TVP23A: variants seen among roughly 807,000 people sequenced by gnomAD.
The protein encoded by TVP23A is trans-golgi network vesicle protein 23 homolog A, also known as Golgi apparatus membrane protein TVP23 homolog A.
Under a neutral mutation model 31.7 loss-of-function variants are expected in TVP23A, and 21 were observed. The observed-to-expected ratio is 0.66, with a 90% CI of 0.47 to 0.95. The LOEUF (loss-of-function observed/expected upper bound fraction) is 0.95. TVP23A is among the 40% of genes least tolerant of loss of function. TVP23A has a pLI of 0.00. For synonymous variants in TVP23A, 104 were observed against 96.0 expected (o/e 1.08, Z -0.49); for missense variants, 279 against 255.6 (o/e 1.09, Z -0.62).
At chr16:10,761,320 C>G in exon 9 of TVP23A, 1 of 1,574,282 alleles carries the variant, frequency 6.4e-7, no homozygotes, top group Non-Finnish European at 8.7e-7. Flanking sequence ...CATTCCCTTT[C>G]TCGCACTTTG....
At chr16:10,786,663 T>C (rs2032770280) in intron 2 of TVP23A, among the ~76,000 whole-genome samples, 1 of 151,010 alleles carries the variant, frequency 6.6e-6, no homozygotes, top group African/African-American at 2.4e-5. Flanking sequence ...ATAACCTGAG[T>C]GTGCGGGGAT....
intron 2 of TVP23A, among the ~76,000 whole-genome samples, chr16:10,814,427 G>C (rs2034341334): frequency 6.6e-6 from 1 of 152,136 alleles, no homozygotes; most frequent in Non-Finnish European, 1.5e-5. Context: ...TGACTCACCA[G>C]ACCACCAGCC....
chr16:10,792,612 A>C (rs894932066), intron 2 of TVP23A, among the ~76,000 whole-genome samples: 1 of 152,250 alleles, frequency 6.6e-6, no homozygotes, highest in African/African-American at 2.4e-5. Context: ...GGACTTAAGA[A>C]ACCCAAGCCT....
chr16:10,803,384 C>G (rs1215736305), intron 2 of TVP23A, among the ~76,000 whole-genome samples: 4 of 152,142 alleles, frequency 2.6e-5, no homozygotes, highest in African/African-American at 7.2e-5. Context: ...TGTGGAGAAC[C>G]TCCCATCTAC....
At chr16:10,774,242 A>G (rs958207159) in intron 3 of TVP23A, 114 bp from the exon 4 acceptor site, 1 of 679,314 alleles carries the variant, frequency 1.5e-6, no homozygotes. Flanking sequence ...GAGCAGGAAG[A>G]AAAAAGGCCT....
intron 2 of TVP23A, among the ~76,000 whole-genome samples, chr16:10,812,720 G>C (rs536616348): frequency 6.6e-6 from 1 of 152,258 alleles, no homozygotes; most frequent in East Asian, 1.9e-4. Context: ...ACAGAAAGGA[G>C]AATGGTATTT....
At position 10,789,232 on chromosome 16, in the gene TVP23A, G is replaced by A. The variant is rs2032951759; in HGVS notation, c.90-14136C>T. Reference sequence around the variant, plus strand: ...CAGCCTTAAAAAGGCACCACTCTTAGTGAATTCTCTCCTGGATCAGAGGAA... The same window carrying A: ...CAGCCTTAAAAAGGCACCACTCTTAATGAATTCTCTCCTGGATCAGAGGAA... On this transcript the variant is annotated intron_variant, in intron 2 of 7. Transcript: ENST00000299866. 3.3e-5 allele frequency among the ~76,000 whole-genome samples: 5 copies of A among 152,184 alleles called. No homozygotes were observed. In the South Asian group the frequency reaches 1.0e-3, roughly 31 times the overall value.
At chr16:10,810,193 C>G (rs1169647641) in intron 2 of TVP23A, among the ~76,000 whole-genome samples, 2 of 151,906 alleles carry the variant, frequency 1.3e-5, no homozygotes, top group Non-Finnish European at 2.9e-5. Context: ...CAGATCACAT[C>G]TGGGTCTGTG....
At position 10,818,095 on chromosome 16, in the gene TVP23A, C is replaced by T; in HGVS notation, c.89+8G>A. On this transcript the variant is annotated splice_region_variant and intron_variant, in intron 2 of 7. Transcript: ENST00000299866. The surrounding 1 kb of genome is among the most constrained non-coding windows in gnomAD (Gnocchi z 4.7). ...GGAACGCCTGACCCAAGCTCCATCC[C>T]AACACACCTGATCTTGGCTTTCCTA... 1 of 1,605,380 alleles carries T rather than the reference C, an allele frequency of 6.2e-7. No homozygotes were observed. Among genetic ancestry groups the T allele is most frequent in the South Asian group, 1.1e-5 (1 of 88,890 alleles).
chr16:10,791,711 G>A (rs1172538114), intron 2 of TVP23A, among the ~76,000 whole-genome samples: 4 of 152,142 alleles, frequency 2.6e-5, no homozygotes, highest in African/African-American at 7.2e-5. Flanking sequence ...GGGTTCAAGC[G>A]ATTCTCCTGC....
At position 10,767,245 on chromosome 16, in the gene TVP23A, C is replaced by T. The variant is rs1324453025; in HGVS notation, c.*1857G>A. ...GGAGGCGAGAACACCCCCATTGACC[C>T]CTAGCCCCTTGTGTCCTGTCCACCT... On this transcript the variant is annotated 3_prime_UTR_variant, in exon 8 of 8. Transcript: ENST00000299866. The surrounding 1 kb of genome is among the most constrained non-coding windows in gnomAD (Gnocchi z 4.6). The T allele has an allele frequency of 5.0e-6, 2 of 399,708 alleles. No individual in the cohort carries two copies. Among genetic ancestry groups the T allele is most frequent in the Non-Finnish European group, 8.8e-6 (2 of 227,088 alleles). 24.8% of individuals were successfully genotyped at this position (399,708 alleles called of 1,614,324 possible).
At chr16:10,807,403 T>G (rs2033995863) in intron 2 of TVP23A, among the ~76,000 whole-genome samples, 1 of 152,184 alleles carries the variant, frequency 6.6e-6, no homozygotes, top group South Asian at 2.1e-4. Flanking sequence ...TGCTTTGAGT[T>G]CCCTCAAATA....
chr16:10,796,821 G>A (rs1182563828), intron 2 of TVP23A, among the ~76,000 whole-genome samples: 1 of 152,138 alleles, frequency 6.6e-6, no homozygotes, highest in Admixed American at 6.5e-5. Flanking sequence ...TGAATAAGCT[G>A]TAAAAAATAA....
At chr16:10,758,378 T>C (rs1388296806), downstream of TVP23A, among the ~76,000 whole-genome samples, 1 of 152,008 alleles carries the variant, frequency 6.6e-6, no homozygotes, top group South Asian at 2.1e-4. Flanking sequence ...GAGGCTGAGG[T>C]AGGAGGATCA....
At chr16:10,778,144 G>A (rs1407802819) in intron 2 of TVP23A, among the ~76,000 whole-genome samples, 2 of 152,108 alleles carry the variant, frequency 1.3e-5, no homozygotes, top group Non-Finnish European at 2.9e-5. Context: ...GACCAGCGTG[G>A]CCAACATGGT....
intron 6 of TVP23A, among the ~76,000 whole-genome samples, chr16:10,771,193 A>G (rs2031588802): frequency 6.6e-6 from 1 of 152,202 alleles, no homozygotes; most frequent in East Asian, 1.9e-4. Flanking sequence ...CCACAGAACT[A>G]TACATTTTAA....
Position 10,767,958 on chromosome 16 carries a change from G to T in TVP23A, c.*1144C>A. ...TTGTTTCTTTTTTAAGGTAAGAATT[G>T]TGACAAAGGCCAGTCTTTTTTCATT... On this transcript the variant is annotated 3_prime_UTR_variant, in exon 8 of 8. Transcript: ENST00000299866. The surrounding 1 kb of genome is among the most constrained non-coding windows in gnomAD (Gnocchi z 4.6). The T allele has an allele frequency of 6.2e-7, 1 of 1,614,102 alleles. No individual in the cohort carries two copies. The highest frequency in any genetic ancestry group is 8.5e-7 in the Non-Finnish European group (1 of 1,179,994).
At chr16:10,802,218 T>C (rs1365171391) in intron 2 of TVP23A, among the ~76,000 whole-genome samples, 4 of 151,006 alleles carry the variant, frequency 2.6e-5, no homozygotes, top group Non-Finnish European at 5.9e-5. Flanking sequence ...AGAGTATGTC[T>C]GCATCCATGA....
chr16:10,808,275 T>A (rs887785815), intron 2 of TVP23A, among the ~76,000 whole-genome samples: 5 of 152,224 alleles, frequency 3.3e-5, no homozygotes, highest in African/African-American at 1.2e-4. Flanking sequence ...GGGGCTCATG[T>A]CCAGGACTGC....
Sources: gnomAD v4.1 joint callset for allele counts (sites outside exome capture counted in the v4.1 genomes callset) on GRCh38, gnomAD v4.1.1 for gene constraint, Gnocchi (gnomAD v3.1) non-coding constraint, MANE v1.5 for transcripts, NCBI Gene and HGNC (gene_info 2026-07-23, HGNC 2026-07-21) for gene names.